Variants in SCN9A observed in about 807,000 individuals in gnomAD.
SCN9A encodes sodium voltage-gated channel alpha subunit 9, also known as sodium channel protein type 9 subunit alpha.
In SCN9A, 131 loss-of-function variants were observed where a neutral mutation model predicts 187.0. The observed-to-expected ratio is 0.70, with a 90% CI of 0.61 to 0.81. SCN9A has a LOEUF of 0.81. Ranked by LOEUF, SCN9A falls within the 30% of genes least tolerant of loss-of-function variation. SCN9A has a pLI of 0.00. For synonymous variants in SCN9A, 809 were observed against 808.6 expected, an observed-to-expected ratio of 1.00 and a Z score of -0.01; for missense variants, 2,252 against 2,396.6, an observed-to-expected ratio of 0.94 and a Z score of 1.26.
chr2:166,292,692 C>A (rs1047816300), intron 9 of SCN9A, among the ~76,000 whole-genome samples: 1 of 151,890 alleles, frequency 6.6e-6, no homozygotes. Context: ...GAAATAGCCA[C>A]ATGAATTACC....
intron 1 of SCN9A, among the ~76,000 whole-genome samples, chr2:166,350,922 C>T (rs987199600): frequency 2.8e-4 from 43 of 152,084 alleles, no homozygotes; most frequent in Non-Finnish European, 1.5e-5. Flanking sequence ...AAATATAAAG[C>T]GAATGCTATT....
chr2:166,227,541 T>C (rs1368128477), intron 23 of SCN9A, 129 bp downstream of exon 23: 1 of 668,306 alleles, frequency 1.5e-6, no homozygotes, highest in Non-Finnish European at 2.7e-6. Flanking sequence ...ACTAGGCTAC[T>C]ATCAGGTGGA....
chr2:166,199,424 A>C lies in SCN9A; in HGVS notation c.5215T>G (p.Tyr1739Asp). 1 of 1,614,234 alleles carries C rather than the reference A, an allele frequency of 6.2e-7. No homozygotes were observed. The highest frequency in any genetic ancestry group is 8.5e-7 in the Non-Finnish European group (1 of 1,180,056). The change falls in exon 27 of 27, where the codon TAC (tyrosine) becomes GAC (aspartate). Residue 1739 changes from tyrosine to aspartate, a missense_variant. Around this residue, in one of 7 missense-constraint regions of SCN9A, gnomAD observed 345 missense variants for 344.6 expected, o/e 1.00. Transcript: ENST00000642356. ...GATATGATGATATAACTAACAAAGTAGAATATTCCAACAGATGGGTTACCA... is the reference window on the plus strand; with the variant it reads ...GATATGATGATATAACTAACAAAGTCGAATATTCCAACAGATGGGTTACCA... ...DCGNPSVGIF[Y>D]FVSYIIISFL...
chr2:166,226,119 T>C (rs1487573805), intron 24 of SCN9A, among the ~76,000 whole-genome samples: 1 of 152,202 alleles, frequency 6.6e-6, no homozygotes, highest in Non-Finnish European at 1.5e-5. Flanking sequence ...GTGTTATTTA[T>C]TCTGCTATGA....
chr2:166,362,921 A>G (rs1348327222), intron 1 of SCN9A, among the ~76,000 whole-genome samples: 1 of 151,850 alleles, frequency 6.6e-6, no homozygotes, highest in East Asian at 1.9e-4. Flanking sequence ...CATATGTCAT[A>G]TTTTCATGAA....
chr2:166,219,256 A>G (rs1026245667), intron 24 of SCN9A, among the ~76,000 whole-genome samples: 2 of 152,196 alleles, frequency 1.3e-5, no homozygotes, highest in African/African-American at 4.8e-5. Context: ...TATTATAAAG[A>G]CACATGCACA....
At chr2:166,370,182 C>G (rs888760716) in intron 1 of SCN9A, among the ~76,000 whole-genome samples, 1 of 146,986 alleles carries the variant, frequency 6.8e-6, no homozygotes, top group African/African-American at 2.5e-5. Context: ...AGTGAAATTA[C>G]CCCCAGTTAA....
chr2:166,229,311 G>A (rs558324347), intron 21 of SCN9A, among the ~76,000 whole-genome samples: 7 of 151,766 alleles, frequency 4.6e-5, no homozygotes, highest in Admixed American at 2.0e-4. Context: ...ACCAAAACCT[G>A]TTATTGATAA....
chr2:166,370,657 AATACTT>A (rs1468326676), intron 1 of SCN9A, among the ~76,000 whole-genome samples: 2 of 152,002 alleles, frequency 1.3e-5, no homozygotes, highest in East Asian at 3.9e-4. Flanking sequence ...GAATGTTTTT[AATACTT>A]ATATTTTAAT....
At position 166,198,848 on chromosome 2, in the gene SCN9A, C is replaced by A. The variant is rs200410805; in HGVS notation, c.5791G>T (p.Asp1931Tyr). The A allele has an allele frequency of 3.1e-6, 5 of 1,613,572 alleles. No individual in the cohort carries two copies. Among genetic ancestry groups the A allele is most frequent in the East Asian group, 2.2e-5 (1 of 44,888 alleles). ...TCATTAACATTATCAAAAGCCATATCTTTTTTATTGAGTAAATCATCATCT... is the reference window on the plus strand; with the variant it reads ...TCATTAACATTATCAAAAGCCATATATTTTTTATTGAGTAAATCATCATCT... ...DRDDDLLNKK[D>Y]MAFDNVNENS... Residue 1931 changes from aspartate to tyrosine, a missense_variant, in exon 27 of 27, where the codon GAT becomes TAT. Around this residue, in one of 7 missense-constraint regions of SCN9A, gnomAD observed 345 missense variants for 344.6 expected, o/e 1.00. Coordinates refer to ENST00000642356, the MANE Select transcript of SCN9A (RefSeq NM_001365536.1).
In SCN9A at chr2:166,305,962, T is replaced by C. The variant is rs1698742141; in HGVS notation, c.468-42A>G. ...ATTGGGATACTAGATGTGAAAAGAA[T>C]ACAACCACCATGTAAATCTTTATAA... is the stretch of plus-strand genomic sequence containing the variant. On this transcript the variant is annotated intron_variant, in intron 4 of 26. Transcript: ENST00000642356. 5 of 1,603,964 alleles carry C rather than the reference T, an allele frequency of 3.1e-6. No homozygotes were observed. The Admixed American group carries it at 5.1e-5, about 16-fold the overall frequency.
In SCN9A at chr2:166,272,582, T is replaced by C. The variant is rs766465234; in HGVS notation, c.3168A>G (p.Lys1056=). Residue 1056 remains lysine (K), a synonymous_variant, in exon 17 of 27, where the codon AAA becomes AAG. Transcript: ENST00000642356. The part of the protein sequence containing the change: ...MSKGHNFLKE[K]DKISGFGSSV... ...TGCTTCCAAAACCACTGATTTTATC[T>C]TTTTCCTTGAGGAAATTGTGACCTT... 6.2e-7 allele frequency: 1 copy of C among 1,613,484 alleles called. No individual in the cohort carries two copies. The highest frequency in any genetic ancestry group is 1.1e-5 in the South Asian group (1 of 91,054).
chr2:166,210,540 A>G (rs1324897528), intron 24 of SCN9A, among the ~76,000 whole-genome samples: 6 of 148,760 alleles, frequency 4.0e-5, no homozygotes, highest in Admixed American at 2.7e-4. Flanking sequence ...AAAAAGGTAG[A>G]TCATTTAAAA....
At position 166,336,342 on chromosome 2, in the gene SCN9A, T is replaced by G. The variant is rs1335761779; in HGVS notation, c.-50-24536A>C. Reference sequence around the variant, plus strand: ...AAGCTAAGATACAGGAAATTTAGGCTGTCTTGACAAAGCCAATAAAGGGTG... The same window carrying G: ...AAGCTAAGATACAGGAAATTTAGGCGGTCTTGACAAAGCCAATAAAGGGTG... On this transcript the variant is annotated intron_variant, in intron 1 of 26. Transcript: ENST00000642356. Among the ~76,000 whole-genome samples the G allele has an allele frequency of 2.6e-5, 4 of 152,292 alleles. No homozygotes were observed. In the East Asian group the frequency reaches 7.7e-4, roughly 29 times the overall value.
At chr2:166,240,023 T>C (rs1695496359) in intron 19 of SCN9A, among the ~76,000 whole-genome samples, 1 of 152,142 alleles carries the variant, frequency 6.6e-6, no homozygotes, top group Non-Finnish European at 1.5e-5. Flanking sequence ...ATACTCTTCT[T>C]TCTGAGGAGC....
At chr2:166,334,284 G>A (rs1453631097) in intron 1 of SCN9A, among the ~76,000 whole-genome samples, 1 of 152,008 alleles carries the variant, frequency 6.6e-6, no homozygotes, top group Non-Finnish European at 1.5e-5. Flanking sequence ...AATAAATGCT[G>A]AAATAGAATA....
At chr2:166,258,346 A>C (rs1468368646) in intron 17 of SCN9A, among the ~76,000 whole-genome samples, 1 of 151,402 alleles carries the variant, frequency 6.6e-6, no homozygotes, top group Non-Finnish European at 1.5e-5. Flanking sequence ...CTCTATCTAA[A>C]CCTCTTAGTT....
At chr2:166,222,729 G>A (rs1222421480) in intron 24 of SCN9A, among the ~76,000 whole-genome samples, 1 of 138,930 alleles carries the variant, frequency 7.2e-6, no homozygotes, top group Non-Finnish European at 1.5e-5. Context: ...TCAGGAGATC[G>A]AGACCATCCT....
At chr2:166,285,700 G>A (rs1216077021) in intron 11 of SCN9A, among the ~76,000 whole-genome samples, 1 of 152,086 alleles carries the variant, frequency 6.6e-6, no homozygotes, top group Non-Finnish European at 1.5e-5. Flanking sequence ...GTTGTGTGAT[G>A]GAAAACAGGG....
Sources: gnomAD v4.1 joint callset for allele counts (sites outside exome capture counted in the v4.1 genomes callset) on GRCh38, gnomAD v4.1.1 for gene constraint, gnomAD v4.1.1 regional missense constraint, MANE v1.5 for transcripts, NCBI Gene and HGNC (gene_info 2026-07-23, HGNC 2026-07-21) for gene names.